The following MAST4 variants were observed in gnomAD, a reference collection of about 807,000 sequenced individuals.
The protein encoded by MAST4 is microtubule associated serine/threonine kinase family member 4.
Under a neutral mutation model 162.7 loss-of-function variants are expected in MAST4, and 89 were observed. That is an observed-to-expected ratio of 0.55 (90% CI 0.46 to 0.65). The LOEUF (loss-of-function observed/expected upper bound fraction) is 0.65. Among genes scored for constraint, MAST4 ranks in the 30% least tolerant of loss-of-function variants. MAST4 has a pLI of 0.00. For synonymous variants in MAST4, 1,479 were observed against 1,361.1 expected (o/e 1.09, Z -1.91); for missense variants, 3,153 against 3,374.0 (o/e 0.93, Z 1.62).
At chr5:67,118,562 A>G (rs1767197743) in intron 12 of MAST4, 120 bp from the exon 13 acceptor site, 1 of 637,906 alleles carries the variant, frequency 1.6e-6, no homozygotes, top group African/African-American at 1.8e-5. Flanking sequence ...CCATGGGCAC[A>G]TTGGAGTATA....
chr5:66,910,725 TGTG>T (rs1361456767), intron 4 of MAST4, among the ~76,000 whole-genome samples: 1 of 147,000 alleles, frequency 6.8e-6, no homozygotes, highest in Non-Finnish European at 1.5e-5. Flanking sequence ...TGAATACACA[TGTG>T]GTTTTTTTTT....
intron 1 of MAST4, among the ~76,000 whole-genome samples, chr5:66,612,278 T>TA (rs1430157703): frequency 6.6e-6 from 1 of 152,188 alleles, no homozygotes; most frequent in Non-Finnish European, 1.5e-5. Flanking sequence ...GAAATATTGT[T>TA]AGAGTACTAG....
chr5:66,647,674 G>A (rs1251664678), intron 1 of MAST4, among the ~76,000 whole-genome samples: 2 of 152,098 alleles, frequency 1.3e-5, no homozygotes, highest in Non-Finnish European at 2.9e-5. Context: ...TGTGGTATGG[G>A]AGTGATGTGG....
intron 16 of MAST4, 60 bp downstream of exon 16, chr5:67,132,011 A>G: frequency 6.5e-7 from 1 of 1,533,718 alleles, no homozygotes; most frequent in Non-Finnish European, 8.8e-7. Flanking sequence ...TCGTATGTTT[A>G]TAAAGATGTT....
At chr5:67,143,388 C>A (rs1465826600) in intron 21 of MAST4, among the ~76,000 whole-genome samples, 4 of 151,734 alleles carry the variant, frequency 2.6e-5, no homozygotes, top group African/African-American at 4.8e-5. Context: ...GAGAAAGATG[C>A]CTTTTTACCA....
At chr5:66,822,263 A>G (rs1459205260) in intron 3 of MAST4, among the ~76,000 whole-genome samples, 1 of 152,168 alleles carries the variant, frequency 6.6e-6, no homozygotes, top group African/African-American at 2.4e-5. Context: ...AGAACTGCTC[A>G]GAACAGAGTG....
intron 4 of MAST4, among the ~76,000 whole-genome samples, chr5:67,034,739 A>C (rs556799096): frequency 3.3e-5 from 5 of 152,326 alleles, no homozygotes; most frequent in African/African-American, 1.2e-4. Flanking sequence ...TCAGTAATTA[A>C]AGCTCCAAAA....
rs183106091 is a variant in MAST4, at chr5:66,812,716, C to T, written c.642+23922C>T. Among the ~76,000 whole-genome samples the T allele has an allele frequency of 3.3e-5, 5 of 152,294 alleles. No homozygotes were observed. In the East Asian group the frequency reaches 9.6e-4, roughly 29 times the overall value. The stretch of plus-strand genomic sequence containing the variant: ...GGCTGTGGTTTGCTTAGATGGACAG[C>T]TCTTCTGCATTGCCCTTGGTACGTA... On this transcript the variant is annotated intron_variant, in intron 3 of 28. Coordinates refer to ENST00000403625, the MANE Select transcript of MAST4 (RefSeq NM_001164664.2).
At position 67,163,755 on chromosome 5, in the gene MAST4, G is replaced by T. The variant is rs767973698; in HGVS notation, c.4576G>T (p.Asp1526Tyr). 3 of 1,609,632 alleles carry T rather than the reference G, an allele frequency of 1.9e-6. No homozygotes were observed. The highest frequency in any genetic ancestry group is 2.2e-5 in the East Asian group (1 of 44,740). The change falls in exon 29 of 29, where the codon GAC (aspartate) becomes TAC (tyrosine). Residue 1526 changes from aspartate (D) to tyrosine (Y), a missense_variant. Asp to Tyr is a radical substitution (Grantham distance 160). This residue lies in a region of MAST4 where 1,644 missense variants were observed against 1,495.0 expected (regional missense o/e 1.10). Transcript: ENST00000403625. This position sits in a 1 kb window ranked among gnomAD's most constrained non-coding sequence, Gnocchi z 7.0. Reference sequence around the variant, plus strand: ...GGTGGGCCGCCAGGAGTCTGTGGACGACCTGGACCGCGACAAGCTGAAGGC... The same window carrying T: ...GGTGGGCCGCCAGGAGTCTGTGGACTACCTGGACCGCGACAAGCTGAAGGC... ...RKVGRQESVD[D>Y]LDRDKLKAKV...
intron 4 of MAST4, among the ~76,000 whole-genome samples, chr5:66,953,974 A>C (rs1025061225): frequency 2.6e-5 from 4 of 152,170 alleles, no homozygotes; most frequent in African/African-American, 7.2e-5. Context: ...ACTCTAGAGA[A>C]TGCATAGAAG....
At chr5:66,774,122 A>G (rs945155257) in intron 2 of MAST4, among the ~76,000 whole-genome samples, 4 of 152,224 alleles carry the variant, frequency 2.6e-5, no homozygotes, top group African/African-American at 9.6e-5. Flanking sequence ...GACAGTTAAC[A>G]ATTATGTATG....
chr5:66,598,241 TC>T (rs1451699704), intron 1 of MAST4, among the ~76,000 whole-genome samples: 1 of 152,070 alleles, frequency 6.6e-6, no homozygotes, highest in Non-Finnish European at 1.5e-5. Context: ...ATTCCCTAAT[TC>T]CCCTAAGCCC....
chr5:66,764,865 C>A (rs993855872), intron 2 of MAST4, among the ~76,000 whole-genome samples: 9 of 152,134 alleles, frequency 5.9e-5, no homozygotes, highest in Non-Finnish European at 1.0e-4. Flanking sequence ...TACATTGTTT[C>A]TAAAGTCTAC....
intron 4 of MAST4, among the ~76,000 whole-genome samples, chr5:66,997,540 T>C (rs188790541): frequency 6.6e-6 from 1 of 151,816 alleles, no homozygotes; most frequent in Non-Finnish European, 1.5e-5. Context: ...CAAGCAATTC[T>C]CCTGTCTCAG....
Position 67,163,656 on chromosome 5 carries a change from G to T in MAST4, c.4477G>T (p.Val1493Leu). 1.9e-6 allele frequency: 3 copies of T among 1,608,098 alleles called. No homozygotes were observed. Among genetic ancestry groups the T allele is most frequent in the Non-Finnish European group, 2.5e-6 (3 of 1,177,918 alleles). The stretch of plus-strand genomic sequence containing the variant: ...GCCGCTGCAGAGCCTGGATGAGAAC[G>T]TGTGCGACGTGCCGCCGCTCAGCCG... ...EAPLQSLDENVCDVPPLSRAR... is the reference protein window; with the variant it reads ...EAPLQSLDENLCDVPPLSRAR... Residue 1493 changes from valine (V) to leucine (L), a missense_variant, in exon 29 of 29, where the codon GTG (valine) becomes TTG (leucine). Val to Leu is a conservative substitution (Grantham distance 32, BLOSUM62 1). Transcript: ENST00000403625. This position sits in a 1 kb window ranked among gnomAD's most constrained non-coding sequence, Gnocchi z 7.0.
At chr5:66,871,265 T>C (rs908139768) in intron 3 of MAST4, among the ~76,000 whole-genome samples, 5 of 152,070 alleles carry the variant, frequency 3.3e-5, no homozygotes, top group African/African-American at 9.7e-5. Context: ...GCAAACTACA[T>C]AGGAAGTGTA....
chr5:66,854,385 G>A (rs1759526047), intron 3 of MAST4, among the ~76,000 whole-genome samples: 1 of 152,152 alleles, frequency 6.6e-6, no homozygotes, highest in African/African-American at 2.4e-5. Context: ...TATTTACCAT[G>A]TCATAGTTTT....
In MAST4 at chr5:67,163,619, C is replaced by T. The variant is rs756291387; in HGVS notation, c.4440C>T (p.Ser1480=). 1.2e-6 allele frequency: 2 copies of T among 1,603,782 alleles called. No individual in the cohort carries two copies. Among genetic ancestry groups the T allele is most frequent in the Non-Finnish European group, 1.7e-6 (2 of 1,175,766 alleles). Residue 1480 remains serine, a synonymous_variant, in exon 29 of 29, where the codon TCC becomes TCT. Coordinates refer to ENST00000403625, the MANE Select transcript of MAST4 (RefSeq NM_001164664.2). The surrounding 1 kb of genome is among the most constrained non-coding windows in gnomAD (Gnocchi z 7.0). ...AAGAGGAGGTGCAGCGGGAGCAGTC[C>T]CAGCGGGAGGCGCCGCTGCAGAGCC... ...VTQEEVQREQ[S]QREAPLQSLD...
intron 1 of MAST4, among the ~76,000 whole-genome samples, chr5:66,626,666 A>G (rs938316874): frequency 1.3e-5 from 2 of 152,230 alleles, no homozygotes; most frequent in African/African-American, 2.4e-5. Context: ...ATCTTATAAG[A>G]CAAATGCTTT....
Sources: allele counts gnomAD v4.1 joint callset (sites outside exome capture counted in the v4.1 genomes callset), GRCh38; gene constraint gnomAD v4.1.1; regional missense constraint gnomAD v4.1.1; non-coding constraint Gnocchi (gnomAD v3.1); transcripts MANE v1.5; gene names NCBI Gene and HGNC (gene_info 2026-07-23, HGNC 2026-07-21).